MAN2C1: variants seen among roughly 807,000 people sequenced by gnomAD.
MAN2C1 encodes mannosidase alpha class 2C member 1.
In MAN2C1, 111 loss-of-function variants were observed where a neutral mutation model predicts 126.9. The ratio of observed to expected loss-of-function variants is 0.87; its 90% CI spans 0.75 to 1.02. The LOEUF (loss-of-function observed/expected upper bound fraction) is 1.02, where lower values mean the gene tolerates loss of function less well. Among genes scored for constraint, MAN2C1 ranks in the 50% least tolerant of loss-of-function variants. The pLI is 0.00. For missense variants in MAN2C1, 1,363 were observed against 1,364.4 expected, an observed-to-expected ratio of 1.00 and a Z score of 0.02; for synonymous variants, 567 against 561.5, an observed-to-expected ratio of 1.01 and a Z score of -0.14.
At position 75,358,302 on chromosome 15, in the gene MAN2C1, G is replaced by A. The variant is rs1356026492; in HGVS notation, c.2446C>T (p.Pro816Ser). 3.7e-6 allele frequency: 6 copies of A among 1,614,168 alleles called. No individual in the cohort carries two copies. Among genetic ancestry groups the A allele is most frequent in the Non-Finnish European group, 5.1e-6 (6 of 1,180,030 alleles). ...EAHKFLKVEF[P>S]ARVRSSQATY... Reference sequence around the variant, plus strand: ...GCCTGGGAACTCCGCACGCGAGCAGGGAACTCCACCTTCAGGAACTTGTGG... The same window carrying A: ...GCCTGGGAACTCCGCACGCGAGCAGAGAACTCCACCTTCAGGAACTTGTGG... The change falls in exon 21 of 26, where the codon CCT (proline) becomes TCT (serine). Residue 816 changes from proline to serine, a missense_variant. Coordinates refer to ENST00000267978, the MANE Select transcript of MAN2C1 (RefSeq NM_006715.4).
Position 75,362,606 on chromosome 15 carries a change from CGT to C in MAN2C1, c.897+34_897+35del. 6.2e-7 allele frequency: 1 copy of C among 1,602,114 alleles called. No individual in the cohort carries two copies. Among genetic ancestry groups the C allele is most frequent in the East Asian group, 2.2e-5 (1 of 44,778 alleles). ...GCCTGTGGAGCTCCAGGGAGGGCCA[CGT>C]GCTTCCCTCCTCCCTCACAGCTGTC... is the stretch of plus-strand genomic sequence containing the variant. On this transcript the variant is annotated intron_variant, in intron 7 of 25. Coordinates refer to ENST00000267978, the MANE Select transcript of MAN2C1 (RefSeq NM_006715.4). This position sits in a 1 kb window ranked among gnomAD's most constrained non-coding sequence, Gnocchi z 4.5.
Position 75,360,669 on chromosome 15 carries a change from T to C in MAN2C1, c.1480A>G (p.Arg494Gly), listed in dbSNP as rs1168471448. The change falls in exon 13 of 26, where the codon AGA becomes GGA. Residue 494 changes from arginine (R) to glycine (G), a missense_variant. Physicochemically the swap from Arg to Gly is moderately radical, Grantham distance 125. Coordinates refer to ENST00000267978, the MANE Select transcript of MAN2C1 (RefSeq NM_006715.4). ...GLPRVQLSSP[R>G]QLFSALESDS... ...CTCTCCAGTGCTGAGAAGAGCTGTC[T>C]TGGAGAAGATAGCTGCACCCTGAGG... The C allele has an allele frequency of 6.2e-7, 1 of 1,613,712 alleles. No homozygotes were observed. The highest frequency in any genetic ancestry group is 2.2e-5 in the East Asian group (1 of 44,876).
chr15:75,360,874 G>A (rs2072452801), intron 12 of MAN2C1, 172 bp downstream of exon 12: 2 of 1,164,704 alleles, frequency 1.7e-6, no homozygotes, highest in Admixed American at 5.6e-5. Flanking sequence ...GCCCTTACCA[G>A]CTTCAGCTTC....
chr15:75,363,984 C>G lies in MAN2C1; in HGVS notation c.790+15G>C. On this transcript the variant is annotated intron_variant, in intron 6 of 25. Coordinates refer to ENST00000267978, the MANE Select transcript of MAN2C1 (RefSeq NM_006715.4). ...CTCCTGCTTCCCCAGCCAGCCCAAC[C>G]AGCTGCTGTCCTACCTGTATCAATG... 1 of 1,612,556 alleles carries G rather than the reference C, an allele frequency of 6.2e-7. No homozygotes were observed. The highest frequency in any genetic ancestry group is 8.5e-7 in the Non-Finnish European group (1 of 1,179,502).
chr15:75,358,704 C>T lies in MAN2C1; in HGVS notation c.2246G>A (p.Arg749Gln), dbSNP rs373253000. 11 of 1,613,808 alleles carry T rather than the reference C, an allele frequency of 6.8e-6. No individual in the cohort carries two copies. The highest frequency in any genetic ancestry group is 1.6e-4 in the Middle Eastern group (1 of 6,082). Residue 749 changes from arginine (R) to glutamine (Q), a missense_variant and splice_region_variant, in exon 19 of 26, where the codon CGG becomes CAG. By Grantham distance (43) the Arg-to-Gln change is conservative (BLOSUM62 1). Coordinates refer to ENST00000267978, the MANE Select transcript of MAN2C1 (RefSeq NM_006715.4). The stretch of plus-strand genomic sequence containing the variant: ...TCCCCACATGCTGCCCAGCCTATAC[C>T]GTGTCTCCAGGTGGTAGTCCATGAC... ...WDVMDYHLET[R>Q]KPVLGQAGTL... is the part of the protein sequence containing the mutation.
Position 75,356,782 on chromosome 15 carries a change from AC to A in MAN2C1, c.2657+10del. 3.1e-6 allele frequency: 5 copies of A among 1,613,814 alleles called. No individual in the cohort carries two copies. On this transcript the variant is annotated intron_variant, in intron 22 of 25. Coordinates refer to ENST00000267978, the MANE Select transcript of MAN2C1 (RefSeq NM_006715.4). The surrounding 1 kb of genome is among the most constrained non-coding windows in gnomAD (Gnocchi z 5.8). ...ATGCCAGCTCCCAGGCCTGGTGGGT[AC>A]CCCACTTACAGCGAGAGGCTGAGGA...
rs909299493 is a variant in MAN2C1 at position 75,362,036 on chromosome 15, A to AG, written c.1009-90dup. 4 of 983,822 alleles carry AG rather than the reference A, an allele frequency of 4.1e-6. No homozygotes were observed. In the African/African-American group the frequency reaches 6.4e-5, roughly 16 times the overall value. 60.9% of individuals were successfully genotyped at this position (983,822 alleles called of 1,614,324 possible). ...AGGCCAACCCAATCCCTGCAGGAGA[A>AG]GCCAGGGCTGCTCAAACATGGGAGT... On this transcript the variant is annotated intron_variant, in intron 8 of 25. Coordinates refer to ENST00000267978, the MANE Select transcript of MAN2C1 (RefSeq NM_006715.4). The surrounding 1 kb of genome is among the most constrained non-coding windows in gnomAD (Gnocchi z 4.5).
chr15:75,359,818 A>C (rs2072429921), intron 15 of MAN2C1, 43 bp from the exon 16 acceptor site: 12 of 1,613,238 alleles, frequency 7.4e-6, no homozygotes, highest in Non-Finnish European at 1.0e-5. Context: ...ACAGGTCTGG[A>C]ATGTGCCCAT....
Position 75,368,501 on chromosome 15 carries a change from T to G in MAN2C1, c.83A>C (p.Asp28Ala). ...EKFVSPLYFT[D>A]CNLRGRLFGA... is the part of the protein sequence containing the mutation. ...GCCACACCTGCCGCGGAGGTTACAGTCGGTAAAGTAGAGCGGCGACACGAA... is the reference window on the plus strand; with the variant it reads ...GCCACACCTGCCGCGGAGGTTACAGGCGGTAAAGTAGAGCGGCGACACGAA... Residue 28 changes from aspartate (D) to alanine (A), a missense_variant, in exon 1 of 26, where the codon GAC becomes GCC. This residue lies in a region of MAN2C1 where 628 missense variants were observed against 609.8 expected (regional missense o/e 1.03). Coordinates refer to ENST00000267978, the MANE Select transcript of MAN2C1 (RefSeq NM_006715.4). 1 of 1,554,476 alleles carries G rather than the reference T, an allele frequency of 6.4e-7. No homozygotes were observed. Among genetic ancestry groups the G allele is most frequent in the South Asian group, 1.2e-5 (1 of 84,346 alleles).
In MAN2C1 at chr15:75,356,211, G is replaced by C; in HGVS notation, c.2895C>G (p.Ser965Arg). The change falls in exon 25 of 26, where the codon AGC (serine) becomes AGG (arginine). Residue 965 changes from serine (S) to arginine (R), a missense_variant. Coordinates refer to ENST00000267978, the MANE Select transcript of MAN2C1 (RefSeq NM_006715.4). This position sits in a 1 kb window ranked among gnomAD's most constrained non-coding sequence, Gnocchi z 5.8. ...GGACCAGCGAGCGGCGCTGGGGGCT[G>C]CTCTCCGCCTGCAGAGGAACACGTC... is the stretch of plus-strand genomic sequence containing the variant. ...VVLETVKQAE[S>R]SPQRRSLVLR... 1 of 1,613,252 alleles carries C rather than the reference G, an allele frequency of 6.2e-7. No homozygotes were observed. The highest frequency in any genetic ancestry group is 8.5e-7 in the Non-Finnish European group (1 of 1,179,874).
intron 4 of MAN2C1, among the ~76,000 whole-genome samples, chr15:75,364,930 C>A (rs1323174253): frequency 6.6e-6 from 1 of 152,246 alleles, no homozygotes; most frequent in Non-Finnish European, 1.5e-5. Flanking sequence ...TCTTATATTT[C>A]CAAAGTTGTC....
chr15:75,362,758 G>A lies in MAN2C1; in HGVS notation c.791-10C>T. The A allele has an allele frequency of 6.2e-7, 1 of 1,611,508 alleles. No homozygotes were observed. On this transcript the variant is annotated splice_polypyrimidine_tract_variant and intron_variant, in intron 6 of 25. Transcript: ENST00000267978. The surrounding 1 kb of genome is among the most constrained non-coding windows in gnomAD (Gnocchi z 4.5). ...AAGGGCCAAAGCCAGGCTATACGGG[G>A]AGTGAGGTGGAGGACAGAGGGAGCA...
chr15:75,356,709 G>A lies in MAN2C1; in HGVS notation c.2658-24C>T. On this transcript the variant is annotated intron_variant, in intron 22 of 25. Coordinates refer to ENST00000267978, the MANE Select transcript of MAN2C1 (RefSeq NM_006715.4). The surrounding 1 kb of genome is among the most constrained non-coding windows in gnomAD (Gnocchi z 5.8). ...AGCTGGGGTGAGGAGGGCGCGTAGGGGCCACGCTGAAGCTGTTGGAGTTGT... is the reference window on the plus strand; with the variant it reads ...AGCTGGGGTGAGGAGGGCGCGTAGGAGCCACGCTGAAGCTGTTGGAGTTGT... The A allele has an allele frequency of 6.2e-7, 1 of 1,610,640 alleles. No individual in the cohort carries two copies. The highest frequency in any genetic ancestry group is 8.5e-7 in the Non-Finnish European group (1 of 1,178,618).
In MAN2C1 at chr15:75,359,142, G is replaced by A. The variant is rs781578970; in HGVS notation, c.2058C>T (p.Ser686=). 14 of 1,613,954 alleles carry A rather than the reference G, an allele frequency of 8.7e-6. No individual in the cohort carries two copies. Among genetic ancestry groups the A allele is most frequent in the South Asian group, 5.5e-5 (5 of 91,082 alleles). Residue 686 remains serine, a synonymous_variant, in exon 18 of 26, where the codon TCC becomes TCT. Coordinates refer to ENST00000267978, the MANE Select transcript of MAN2C1 (RefSeq NM_006715.4). ...PVFVVQETDG[S]VTLDNGIIRV... is the part of the protein sequence containing the mutation. ...GGATGATGCCATTGTCCAGAGTCAC[G>A]GAGCCATCAGTCTTTGTGGGAGGAG...
intron 4 of MAN2C1, 40 bp from the exon 5 acceptor site, chr15:75,364,705 C>T: frequency 6.5e-7 from 1 of 1,548,312 alleles, no homozygotes. Context: ...AAGGGACTGG[C>T]ACAGTACTCC....
rs2072466708 is a variant in MAN2C1 at position 75,361,415 on chromosome 15, G to T, written c.1219-34C>A. 6.6e-7 allele frequency: 1 copy of T among 1,508,044 alleles called. No homozygotes were observed. 93.4% of individuals were successfully genotyped at this position (1,508,044 alleles called of 1,614,324 possible). On this transcript the variant is annotated intron_variant, in intron 10 of 25. Transcript: ENST00000267978. The surrounding 1 kb of genome is among the most constrained non-coding windows in gnomAD (Gnocchi z 5.0). ...AGGGAAACAGAAGCAGGGCAGAGAG[G>T]CCAGAGTCAGGGCTGAGGCAGAGCC...
chr15:75,363,866 T>C, intron 6 of MAN2C1, 133 bp downstream of exon 6: 1 of 989,956 alleles, frequency 1.0e-6, no homozygotes, highest in Non-Finnish European at 1.5e-6. Context: ...CCCGGCCCCG[T>C]TTTACAGACG....
intron 17 of MAN2C1, 25 bp from the exon 18 acceptor site, chr15:75,359,178 TGAGTCTGTA>T (rs1567275416): frequency 1.2e-6 from 2 of 1,613,292 alleles, no homozygotes; most frequent in African/African-American, 2.7e-5. Context: ...GCCTTGAGGC[TGAGTCTGTA>T]GGGGCTTCCC....
intron 6 of MAN2C1, among the ~76,000 whole-genome samples, chr15:75,363,579 G>A (rs372394494): frequency 6.6e-6 from 1 of 152,224 alleles, no homozygotes; most frequent in East Asian, 1.9e-4. Context: ...GCCAAGGCAG[G>A]CGGATCACCT....
Sources: gnomAD v4.1 joint callset for allele counts (sites outside exome capture counted in the v4.1 genomes callset) on GRCh38, gnomAD v4.1.1 for gene constraint, gnomAD v4.1.1 regional missense constraint, Gnocchi (gnomAD v3.1) non-coding constraint, MANE v1.5 for transcripts, NCBI Gene and HGNC (gene_info 2026-07-23, HGNC 2026-07-21) for gene names.